The following KLF16 variants were observed in gnomAD, a reference collection of about 807,000 sequenced individuals.
KLF16 encodes KLF transcription factor 16, also known as Krueppel-like factor 16.
A neutral mutation model predicts 6.1 loss-of-function variants in KLF16; 6 were observed. That is an observed-to-expected ratio of 0.98 (90% CI 0.54 to 1.93). The LOEUF (loss-of-function observed/expected upper bound fraction) is 1.93, where lower values mean the gene tolerates loss of function less well. KLF16 is among the 30% of genes most tolerant of loss of function. The pLI is 0.01. For missense variants in KLF16, 355 were observed against 363.8 expected (o/e 0.98, Z 0.20); for synonymous variants, 211 against 176.5 (o/e 1.20, Z -1.55).
At chr19:1,870,066 GGGATTA>G in the KLF16 span, among the ~76,000 whole-genome samples, 1 of 150,926 alleles carries the variant, frequency 6.6e-6, no homozygotes, top group African/African-American at 2.4e-5. Flanking sequence ...CTGAGTAGCT[GGGATTA>G]CAGGCACGTG....
chr19:1,863,941 C>A (rs1200037371), upstream of KLF16, among the ~76,000 whole-genome samples: 2 of 146,270 alleles, frequency 1.4e-5, no homozygotes, highest in Non-Finnish European at 3.1e-5. Context: ...GCGCCCCACT[C>A]CAGCGCGCGC....
the KLF16 span, among the ~76,000 whole-genome samples, chr19:1,872,439 G>A: frequency 1.6e-4 from 24 of 152,298 alleles, no homozygotes; most frequent in African/African-American, 5.1e-4. Context: ...CCTAGTGGTG[G>A]GGTTTCAGGG....
intron 1 of KLF16, among the ~76,000 whole-genome samples, chr19:1,858,467 C>T (rs1406150047): frequency 6.6e-6 from 1 of 152,090 alleles, no homozygotes; most frequent in Non-Finnish European, 1.5e-5. Flanking sequence ...ATATCTGCAC[C>T]CCTGCACTCC....
At chr19:1,870,625 T>C in the KLF16 span, among the ~76,000 whole-genome samples, 2 of 151,816 alleles carry the variant, frequency 1.3e-5, no homozygotes, top group South Asian at 4.2e-4. Flanking sequence ...CAGGGAGCCA[T>C]GATCACACCA....
intron 1 of KLF16, among the ~76,000 whole-genome samples, chr19:1,856,974 A>AGGGGGGGGGGGGG: frequency 8.8e-6 from 1 of 113,314 alleles, no homozygotes; most frequent in East Asian, 2.8e-4. Flanking sequence ...CGACCGGGGC[A>AGGGGGGGGGGGGG]GGGGCGCGCA....
the KLF16 span, among the ~76,000 whole-genome samples, chr19:1,870,775 C>G: frequency 6.6e-6 from 1 of 152,238 alleles, no homozygotes; most frequent in Non-Finnish European, 1.5e-5. Flanking sequence ...GCGGGCAGGT[C>G]ACCTGAGGTC....
At position 1,857,366 on chromosome 19, in the gene KLF16, C is replaced by T. The variant is rs1038676644; in HGVS notation, c.458-2606G>A. 3.9e-5 allele frequency among the ~76,000 whole-genome samples: 6 copies of T among 152,222 alleles called. No individual in the cohort carries two copies. Among genetic ancestry groups the T allele is most frequent in the South Asian group, 2.1e-4 (1 of 4,834 alleles). On this transcript the variant is annotated intron_variant, in intron 1 of 1. Transcript: ENST00000250916. The surrounding 1 kb of genome is among the most constrained non-coding windows in gnomAD (Gnocchi z 4.7). ...GGTGCACAGCCACCCAGCTGCTCCG[C>T]GCTACCTGGCCGAGACGCAGCGCCC...
At chr19:1,860,284 C>G (rs557302083) in intron 1 of KLF16, 1 of 152,592 alleles carries the variant, frequency 6.6e-6, no homozygotes, top group Non-Finnish European at 1.5e-5. Flanking sequence ...CCGCCCCACG[C>G]AGGGGAGAGA....
At chr19:1,865,885 C>T (rs756218122), upstream of KLF16, among the ~76,000 whole-genome samples, 7 of 152,214 alleles carry the variant, frequency 4.6e-5, no homozygotes, top group African/African-American at 7.2e-5. Context: ...AATTCTCCAC[C>T]GGGTGCGGTG....
rs1424828273 is a variant in KLF16, at chr19:1,863,526, C to G, written c.-29G>C. The G allele has an allele frequency of 5.2e-6, 5 of 970,830 alleles. No individual in the cohort carries two copies. In the African/African-American group the frequency reaches 7.2e-5, roughly 14 times the overall value. The allele number at this position is 970,830 out of a possible 1,614,324, so 60.1% of individuals were successfully genotyped here. On this transcript the variant is annotated 5_prime_UTR_variant, in exon 1 of 2. Coordinates refer to ENST00000250916, the MANE Select transcript of KLF16 (RefSeq NM_031918.4). ...GAGCAAGGGCGCGCGGCGCGGCGGG[C>G]GGAGCGGAGGCGGCGGGAGCGGCGT... is the stretch of plus-strand genomic sequence containing the variant.
chr19:1,868,849 A>G, the KLF16 span, among the ~76,000 whole-genome samples: 5 of 151,768 alleles, frequency 3.3e-5, no homozygotes, highest in Admixed American at 2.6e-4. Context: ...CATCATGTTG[A>G]CCGGGCTGGT....
the KLF16 span, among the ~76,000 whole-genome samples, chr19:1,873,767 C>T: frequency 5.4e-4 from 82 of 152,250 alleles, no homozygotes; most frequent in Non-Finnish European, 7.3e-5. Flanking sequence ...GGGGTCCTCC[C>T]GGGTCCCAAG....
intron 1 of KLF16, among the ~76,000 whole-genome samples, chr19:1,860,746 A>G (rs1480355453): frequency 3.9e-5 from 6 of 152,198 alleles, no homozygotes; most frequent in Non-Finnish European, 7.4e-5. Context: ...CCGGGGGCTG[A>G]AAAACCAGAC....
rs2011856137 is a variant in KLF16, at chr19:1,852,537, G to A, written c.*1922C>T. 1 of 152,174 alleles carries A rather than the reference G, an allele frequency of 6.6e-6. No individual in the cohort carries two copies. Among genetic ancestry groups the A allele is most frequent in the Non-Finnish European group, 1.5e-5 (1 of 68,032 alleles). The allele number at this position is 152,174 out of a possible 1,614,324, so 9.4% of individuals were successfully genotyped here. ...CAAACGGCTGGAACCAGGTCCCAGTGATCAGCGACTCCTGGGAGAGTGGAG... is the reference window on the plus strand; with the variant it reads ...CAAACGGCTGGAACCAGGTCCCAGTAATCAGCGACTCCTGGGAGAGTGGAG... On this transcript the variant is annotated 3_prime_UTR_variant, in exon 2 of 2. Coordinates refer to ENST00000250916, the MANE Select transcript of KLF16 (RefSeq NM_031918.4).
chr19:1,859,216 G>T lies in KLF16; in HGVS notation c.457+3825C>A, dbSNP rs562191946. ...TAGTTCTGCCTGGGGGTGGAGGAGA[G>T]AATGAAGTGGGGCATGGCTGCTTCC... is the stretch of plus-strand genomic sequence containing the variant. On this transcript the variant is annotated intron_variant, in intron 1 of 1. Transcript: ENST00000250916. Among the ~76,000 whole-genome samples the T allele has an allele frequency of 3.5e-4, 54 of 152,212 alleles. 1 individual carries two copies. The South Asian group carries it at 0.011, about 32-fold the overall frequency.
At chr19:1,856,750 T>A (rs1196598594) in intron 1 of KLF16, among the ~76,000 whole-genome samples, 1 of 152,216 alleles carries the variant, frequency 6.6e-6, no homozygotes, top group Non-Finnish European at 1.5e-5. Context: ...GACCACGGGA[T>A]TGGGGCTCGC....
intron 1 of KLF16, chr19:1,860,163 G>A (rs1340613422): frequency 6.6e-6 from 1 of 151,736 alleles, no homozygotes; most frequent in Non-Finnish European, 1.5e-5. Context: ...TGGAGAGCAG[G>A]GAGCCGACAG....
At chr19:1,854,907 G>T in intron 1 of KLF16, 147 bp from the exon 2 acceptor site, 1 of 838,396 alleles carries the variant, frequency 1.2e-6, no homozygotes, top group Non-Finnish European at 1.8e-6. Flanking sequence ...ACATGGAGAA[G>T]CACAAAGAAT....
At chr19:1,869,565 C>A in the KLF16 span, among the ~76,000 whole-genome samples, 1 of 152,182 alleles carries the variant, frequency 6.6e-6, no homozygotes, top group Non-Finnish European at 1.5e-5. Flanking sequence ...CTGCACCACC[C>A]GTGCAGCTCT....
Sources: allele counts gnomAD v4.1 joint callset (sites outside exome capture counted in the v4.1 genomes callset), GRCh38; gene constraint gnomAD v4.1.1; non-coding constraint Gnocchi (gnomAD v3.1); transcripts MANE v1.5; gene names NCBI Gene and HGNC (gene_info 2026-07-23, HGNC 2026-07-21).